Variants in RABGAP1L observed in about 807,000 individuals in gnomAD.
RABGAP1L encodes RAB GTPase activating protein 1 like, also known as rab GTPase-activating protein 1-like.
RABGAP1L carries 63 observed loss-of-function variants against 137.7 expected under a neutral mutation model. The ratio of observed to expected loss-of-function variants is 0.46; its 90% CI spans 0.37 to 0.56. The LOEUF (loss-of-function observed/expected upper bound fraction) is 0.56. Among genes scored for constraint, RABGAP1L ranks in the 20% least tolerant of loss-of-function variants. The pLI is 0.00. For missense variants in RABGAP1L, 1,095 were observed against 1,244.0 expected, an observed-to-expected ratio of 0.88 and a Z score of 1.80; for synonymous variants, 431 against 433.7, an observed-to-expected ratio of 0.99 and a Z score of 0.08.
intron 1 of RABGAP1L, among the ~76,000 whole-genome samples, chr1:174,213,369 G>C (rs1669047367): frequency 6.6e-6 from 1 of 152,200 alleles, no homozygotes; most frequent in Admixed American, 6.5e-5. Context: ...AGGTTGCAGT[G>C]AGCCGAGATT....
At chr1:174,967,614 C>T (rs1465050715) in intron 20 of RABGAP1L, among the ~76,000 whole-genome samples, 1 of 152,038 alleles carries the variant, frequency 6.6e-6, no homozygotes. Context: ...GCTGGGATTA[C>T]AGACATGAGC....
chr1:174,806,304 A>C (rs1172710957), intron 18 of RABGAP1L, among the ~76,000 whole-genome samples: 1 of 152,234 alleles, frequency 6.6e-6, no homozygotes, highest in Non-Finnish European at 1.5e-5. Context: ...CCAGCTCATT[A>C]ATAATTAGTA....
intron 11 of RABGAP1L, among the ~76,000 whole-genome samples, chr1:174,327,972 TATATATAC>T (rs1321548342): frequency 5.3e-5 from 1 of 19,002 alleles, no homozygotes; most frequent in African/African-American, 1.9e-4. Context: ...TATATATATA[TATATATAC>T]ACACACATAT....
chr1:174,554,504 T>A (rs905705498), intron 13 of RABGAP1L, among the ~76,000 whole-genome samples: 3 of 152,220 alleles, frequency 2.0e-5, no homozygotes, highest in African/African-American at 7.2e-5. Flanking sequence ...CTTGAAATTT[T>A]GTATTGGTAT....
chr1:174,962,482 T>C (rs1248112054), intron 20 of RABGAP1L, among the ~76,000 whole-genome samples: 3 of 152,226 alleles, frequency 2.0e-5, no homozygotes, highest in Non-Finnish European at 4.4e-5. Context: ...GATTCCTCTA[T>C]GTTTCCACAG....
At chr1:174,978,146 C>G (rs74128528) in intron 22 of RABGAP1L, among the ~76,000 whole-genome samples, 2,016 of 152,144 alleles carry the variant, frequency 0.013, 59 homozygotes, top group African/African-American at 0.047. Flanking sequence ...TCCCCTATAC[C>G]TAGAATTCTA....
Position 174,735,925 on chromosome 1 carries a change from C to A in RABGAP1L, c.2170-16388C>A, listed in dbSNP as rs967631771. On this transcript the variant is annotated intron_variant, in intron 17 of 25. Transcript: ENST00000681986. ...TTCATGAGGGATACACCTCCATGAT[C>A]CAAACACCTTCCACCAGGCTTCACC... is the stretch of plus-strand genomic sequence containing the variant. Among the ~76,000 whole-genome samples the A allele has an allele frequency of 1.2e-4, 18 of 152,182 alleles. No homozygotes were observed. The South Asian group carries it at 1.2e-3, about 10-fold the overall frequency.
At chr1:174,908,964 G>A (rs1266210747) in intron 19 of RABGAP1L, among the ~76,000 whole-genome samples, 1 of 149,942 alleles carries the variant, frequency 6.7e-6, no homozygotes, top group African/African-American at 2.4e-5. Flanking sequence ...ACGAGGTCAG[G>A]AGATCGAGAC....
In RABGAP1L at chr1:174,275,838, C is replaced by T; in HGVS notation, c.1059C>T (p.Ser353=). ...NSDMHLLDME[S]MGKSYDGRAY... ...TACTGTTTGAATTTTTATAGGAATC[C>T]ATGGGAAAGAGCTATGATGGGAGAG... is the stretch of plus-strand genomic sequence containing the variant. The change falls in exon 9 of 26, where the codon TCC becomes TCT. Residue 353 remains serine, a synonymous_variant. Transcript: ENST00000681986. The T allele has an allele frequency of 6.2e-7, 1 of 1,605,422 alleles. No homozygotes were observed. The highest frequency in any genetic ancestry group is 8.5e-7 in the Non-Finnish European group (1 of 1,175,324).
At chr1:174,520,905 G>A (rs1663304984) in intron 13 of RABGAP1L, among the ~76,000 whole-genome samples, 1 of 152,100 alleles carries the variant, frequency 6.6e-6, no homozygotes. Context: ...GGAGGCTGAG[G>A]CAGGAGAATC....
intron 1 of RABGAP1L, among the ~76,000 whole-genome samples, chr1:174,171,534 A>T (rs1220606277): frequency 6.6e-6 from 1 of 152,094 alleles, no homozygotes; most frequent in East Asian, 1.9e-4. Context: ...TATATACTAT[A>T]CAATATGAAT....
chr1:174,254,847 A>G (rs1373462550), intron 7 of RABGAP1L, among the ~76,000 whole-genome samples: 1 of 152,216 alleles, frequency 6.6e-6, no homozygotes, highest in African/African-American at 2.4e-5. Context: ...CTTCAGGTAT[A>G]TACGCAGTAA....
intron 13 of RABGAP1L, among the ~76,000 whole-genome samples, chr1:174,542,689 G>A (rs1665578389): frequency 6.6e-6 from 1 of 152,122 alleles, no homozygotes; most frequent in Non-Finnish European, 1.5e-5. Flanking sequence ...TGATGTTAGG[G>A]TGTCAATTTT....
intron 15 of RABGAP1L, among the ~76,000 whole-genome samples, chr1:174,691,004 G>A (rs547322361): frequency 3.7e-4 from 56 of 151,732 alleles, no homozygotes; most frequent in African/African-American, 1.2e-3. Context: ...GCTAATTTTT[G>A]TATTTTTAGT....
chr1:174,219,436 A>G (rs1301260882), intron 2 of RABGAP1L, 141 bp downstream of exon 2: 9 of 579,088 alleles, frequency 1.6e-5, no homozygotes, highest in Non-Finnish European at 2.3e-5. Flanking sequence ...GACCCTAATT[A>G]TTTGGTTTGT....
chr1:174,621,224 A>T (rs975189952), intron 13 of RABGAP1L, among the ~76,000 whole-genome samples: 17 of 152,234 alleles, frequency 1.1e-4, no homozygotes, highest in Non-Finnish European at 1.6e-4. Context: ...AAATGGAAGA[A>T]CATTCCATGC....
chr1:174,735,666 A>G lies in RABGAP1L; in HGVS notation c.2170-16647A>G, dbSNP rs925949547. Among the ~76,000 whole-genome samples, 3 of 150,162 alleles carry G rather than the reference A, an allele frequency of 2.0e-5. No homozygotes were observed. In the East Asian group the frequency reaches 5.9e-4, roughly 29 times the overall value. ...AGAAATACCTGAGACTGGATAATTT[A>G]TAAAGAAAAGAGTTTTGATTGGCTT... On this transcript the variant is annotated intron_variant, in intron 17 of 25. Transcript: ENST00000681986.
At chr1:174,192,981 A>T (rs768100632) in intron 1 of RABGAP1L, among the ~76,000 whole-genome samples, 5 of 152,342 alleles carry the variant, frequency 3.3e-5, no homozygotes, top group South Asian at 4.1e-4. Context: ...TATTAAATAA[A>T]ACAAATTAAC....
rs1482103203 is a variant in RABGAP1L, at chr1:174,346,939, A to G, written c.1466-24040A>G. Among the ~76,000 whole-genome samples the G allele has an allele frequency of 3.9e-5, 6 of 152,104 alleles. No individual in the cohort carries two copies. The East Asian group carries it at 7.7e-4, about 20-fold the overall frequency. ...TTCTGTTTTCATTTTCATTTGTTTCAATAAATTTTAAAATTTCCTTCTTAA... is the reference window on the plus strand; with the variant it reads ...TTCTGTTTTCATTTTCATTTGTTTCGATAAATTTTAAAATTTCCTTCTTAA... On this transcript the variant is annotated intron_variant, in intron 11 of 25. Coordinates refer to ENST00000681986, the MANE Select transcript of RABGAP1L (RefSeq NM_001366446.1).
Sources: gnomAD v4.1 joint callset for allele counts (sites outside exome capture counted in the v4.1 genomes callset) on GRCh38, gnomAD v4.1.1 for gene constraint, MANE v1.5 for transcripts, NCBI Gene and HGNC (gene_info 2026-07-23, HGNC 2026-07-21) for gene names.